GRM7: variants seen among roughly 807,000 people sequenced by gnomAD.
The protein encoded by GRM7 is metabotropic glutamate receptor 7.
Under a neutral mutation model 84.5 loss-of-function variants are expected in GRM7, and 35 were observed. That is an observed-to-expected ratio of 0.41 (90% CI 0.32 to 0.55). The LOEUF (loss-of-function observed/expected upper bound fraction) is 0.55. Ranked by LOEUF, GRM7 falls within the 20% of genes least tolerant of loss-of-function variation. GRM7 has a pLI of 0.19. For missense variants in GRM7, 1,003 were observed against 1,194.6 expected, an observed-to-expected ratio of 0.84 and a Z score of 2.36; for synonymous variants, 487 against 455.1, an observed-to-expected ratio of 1.07 and a Z score of -0.89.
intron 4 of GRM7, among the ~76,000 whole-genome samples, chr3:7,411,072 C>T (rs1197893847): frequency 6.6e-6 from 1 of 152,128 alleles, no homozygotes; most frequent in Non-Finnish European, 1.5e-5. Flanking sequence ...TTCTTCTTCA[C>T]ATCTCCTTCT....
At chr3:7,467,059 CT>C (rs1698488545) in intron 7 of GRM7, among the ~76,000 whole-genome samples, 1 of 152,246 alleles carries the variant, frequency 6.6e-6, no homozygotes, top group African/African-American at 2.4e-5. Context: ...CCATTAGTCC[CT>C]CTTCCTCCTT....
intron 7 of GRM7, among the ~76,000 whole-genome samples, chr3:7,563,697 G>C (rs1320590164): frequency 6.6e-6 from 1 of 152,130 alleles, no homozygotes; most frequent in Non-Finnish European, 1.5e-5. Context: ...AACTGGAGTG[G>C]AGGTTCGGGG....
intron 8 of GRM7, among the ~76,000 whole-genome samples, chr3:7,591,920 G>T (rs545274322): frequency 1.9e-4 from 29 of 152,068 alleles, no homozygotes; most frequent in South Asian, 1.0e-3. Flanking sequence ...ATAATGCTCT[G>T]GGATACGGAC....
At chr3:7,404,532 T>A (rs937877724) in intron 4 of GRM7, among the ~76,000 whole-genome samples, 3 of 152,210 alleles carry the variant, frequency 2.0e-5, no homozygotes, top group African/African-American at 7.2e-5. Context: ...TGACTGATCC[T>A]TTGAGGCCTG....
chr3:7,633,444 A>G (rs1220190661), intron 8 of GRM7, among the ~76,000 whole-genome samples: 1 of 152,110 alleles, frequency 6.6e-6, no homozygotes, highest in Non-Finnish European at 1.5e-5. Flanking sequence ...CTTAACCATT[A>G]ACATACACTG....
intron 7 of GRM7, among the ~76,000 whole-genome samples, chr3:7,570,333 C>T (rs749087562): frequency 6.6e-6 from 1 of 152,138 alleles, no homozygotes; most frequent in Non-Finnish European, 1.5e-5. Context: ...AGACAAGTCC[C>T]TTCTGCTTAT....
intron 7 of GRM7, among the ~76,000 whole-genome samples, chr3:7,532,231 C>T (rs544837268): frequency 3.9e-5 from 6 of 152,178 alleles, no homozygotes; most frequent in South Asian, 4.1e-4. Context: ...AGAATTAATT[C>T]GGCTGTGAAT....
chr3:7,487,694 C>G (rs1699371930), intron 7 of GRM7, among the ~76,000 whole-genome samples: 1 of 152,186 alleles, frequency 6.6e-6, no homozygotes, highest in African/African-American at 2.4e-5. Flanking sequence ...GGAGGCATAG[C>G]ACTTCTGTCC....
chr3:7,657,822 G>A (rs1243956460), intron 8 of GRM7, among the ~76,000 whole-genome samples: 1 of 152,164 alleles, frequency 6.6e-6, no homozygotes, highest in Non-Finnish European at 1.5e-5. Flanking sequence ...ACCTTTAGCT[G>A]GCTTTTAAGT....
chr3:7,241,318 T>C (rs1002883505), intron 2 of GRM7, among the ~76,000 whole-genome samples: 6 of 152,214 alleles, frequency 3.9e-5, no homozygotes, highest in Admixed American at 6.5e-5. Context: ...TAGTGGTCAC[T>C]GTCTGCGTTG....
At chr3:6,977,579 G>A (rs998299558) in intron 1 of GRM7, among the ~76,000 whole-genome samples, 8 of 152,156 alleles carry the variant, frequency 5.3e-5, no homozygotes, top group Admixed American at 6.5e-5. Flanking sequence ...CCCCATAACC[G>A]AAAGCAAAAC....
intron 1 of GRM7, among the ~76,000 whole-genome samples, chr3:6,918,160 G>A (rs913617140): frequency 1.4e-4 from 21 of 152,090 alleles, no homozygotes; most frequent in African/African-American, 5.1e-4. Context: ...TTACAGAAGA[G>A]GAAACAAAGG....
chr3:7,728,382 A>T (rs1370191902), intron 9 of GRM7, among the ~76,000 whole-genome samples: 2 of 152,202 alleles, frequency 1.3e-5, no homozygotes, highest in Non-Finnish European at 2.9e-5. Flanking sequence ...CTATATACCT[A>T]CATGTAGTAA....
chr3:6,869,596 T>TATC (rs1478119144), intron 1 of GRM7, among the ~76,000 whole-genome samples: 1 of 151,984 alleles, frequency 6.6e-6, no homozygotes, highest in African/African-American at 2.4e-5. Flanking sequence ...TCTATCTATC[T>TATC]ATCTATGGAG....
chr3:7,686,730 C>G (rs1279856320), intron 9 of GRM7, among the ~76,000 whole-genome samples: 2 of 152,162 alleles, frequency 1.3e-5, no homozygotes, highest in African/African-American at 4.8e-5. Context: ...CCGACACATG[C>G]TCTACTTTAA....
At chr3:7,469,513 T>C (rs1265098650) in intron 7 of GRM7, among the ~76,000 whole-genome samples, 1 of 152,238 alleles carries the variant, frequency 6.6e-6, no homozygotes, top group Admixed American at 6.5e-5. Flanking sequence ...TCATTGGCCA[T>C]TTATTTGCTA....
In GRM7 at chr3:7,497,167, G is replaced by C. The variant is rs557318047; in HGVS notation, c.1515+35445G>C. 2.0e-5 allele frequency among the ~76,000 whole-genome samples: 3 copies of C among 152,076 alleles called. No homozygotes were observed. In the South Asian group the frequency reaches 6.3e-4, roughly 32 times the overall value. ...GGTCATGAAGTGGCCATCATGATTA[G>C]GGCCAGGCTTTGGAAGTCTGAGAGC... On this transcript the variant is annotated intron_variant, in intron 7 of 9. Transcript: ENST00000357716.
intron 1 of GRM7, among the ~76,000 whole-genome samples, chr3:6,927,542 A>C (rs944244690): frequency 1.3e-5 from 2 of 151,864 alleles, no homozygotes; most frequent in African/African-American, 4.8e-5. Context: ...AAAGAAATCT[A>C]GTAGTTAAAT....
intron 4 of GRM7, among the ~76,000 whole-genome samples, chr3:7,399,383 G>T (rs1230696033): frequency 6.6e-6 from 1 of 152,104 alleles, no homozygotes; most frequent in African/African-American, 2.4e-5. Context: ...GTCAACTGCT[G>T]CTATAATTGA....
Sources: gnomAD v4.1 joint callset for allele counts (sites outside exome capture counted in the v4.1 genomes callset) on GRCh38, gnomAD v4.1.1 for gene constraint, MANE v1.5 for transcripts, NCBI Gene and HGNC (gene_info 2026-07-23, HGNC 2026-07-21) for gene names.